SIRT1: variants seen among roughly 807,000 people sequenced by gnomAD.
The protein encoded by SIRT1 is NAD-dependent protein deacetylase sirtuin-1.
SIRT1 carries 24 observed loss-of-function variants against 67.9 expected under a neutral mutation model. That is an observed-to-expected ratio of 0.35 (90% CI 0.26 to 0.50). The LOEUF (loss-of-function observed/expected upper bound fraction) is 0.50, where lower values mean the gene tolerates loss of function less well. SIRT1 is among the 20% of genes least tolerant of loss of function. The probability of loss-of-function intolerance (pLI) is 0.98; values close to 1 mark genes in which losing one functional copy is unlikely to be tolerated. For missense variants in SIRT1, 873 were observed against 937.2 expected (o/e 0.93, Z 0.89); for synonymous variants, 378 against 350.7 (o/e 1.08, Z -0.87).
chr10:67,909,174 T>A, intron 6 of SIRT1, 82 bp from the exon 7 acceptor site: 1 of 896,550 alleles, frequency 1.1e-6, no homozygotes, highest in Non-Finnish European at 1.7e-6. Context: ...AATGTATTCT[T>A]AGAGGTATGG....
intron 4 of SIRT1, among the ~76,000 whole-genome samples, chr10:67,902,378 A>G (rs937971248): frequency 2.0e-5 from 3 of 152,188 alleles, no homozygotes; most frequent in Admixed American, 6.5e-5. Context: ...CCCTGCTAAT[A>G]ATTAATTTTA....
At chr10:67,906,361 T>G in intron 4 of SIRT1, 2 of 1,466,476 alleles carry the variant, frequency 1.4e-6, no homozygotes, top group Non-Finnish European at 1.8e-6. Context: ...AAAAAAAATT[T>G]TAAATATTCT....
intron 7 of SIRT1, among the ~76,000 whole-genome samples, chr10:67,910,682 C>G (rs997852982): frequency 2.0e-5 from 3 of 152,104 alleles, no homozygotes; most frequent in African/African-American, 7.2e-5. Flanking sequence ...GTAGTAACAG[C>G]CATGCCATAA....
At chr10:67,898,317 T>C (rs1842691683) in intron 4 of SIRT1, among the ~76,000 whole-genome samples, 1 of 151,294 alleles carries the variant, frequency 6.6e-6, no homozygotes, top group African/African-American at 2.4e-5. Flanking sequence ...GTTCGAAGAG[T>C]GTAGTTTCTG....
At chr10:67,889,168 A>G (rs200656232) in intron 3 of SIRT1, 45 bp downstream of exon 3, 1 of 1,519,904 alleles carries the variant, frequency 6.6e-7, no homozygotes, top group African/African-American at 1.4e-5. Context: ...GTATTTTCTT[A>G]TGCCTTTTCC....
Position 67,916,819 on chromosome 10 carries a change from T to TA in SIRT1, c.*228dup, listed in dbSNP as rs1224169703. ...TTTTTTTTTAAAAAAAAAAAGGTAC[T>TA]AAGTATCTTCAATCAGCTGTTGGTC... On this transcript the variant is annotated 3_prime_UTR_variant, in exon 9 of 9. Coordinates refer to ENST00000212015, the MANE Select transcript of SIRT1 (RefSeq NM_012238.5). 5 of 289,996 alleles carry TA rather than the reference T, an allele frequency of 1.7e-5. No homozygotes were observed. The East Asian group carries it at 2.4e-4, about 14-fold the overall frequency. 18.0% of individuals were successfully genotyped at this position (289,996 alleles called of 1,614,324 possible).
intron 4 of SIRT1, among the ~76,000 whole-genome samples, chr10:67,894,938 C>T (rs1320477251): frequency 1.3e-5 from 2 of 152,080 alleles, no homozygotes. Flanking sequence ...CCTCGTGATC[C>T]GCCCGTTTCA....
chr10:67,900,284 T>G (rs146330931), intron 4 of SIRT1, among the ~76,000 whole-genome samples: 126 of 152,154 alleles, frequency 8.3e-4, no homozygotes, highest in African/African-American at 2.8e-3. Context: ...TAGCTGAGAT[T>G]ACAGGTGTGT....
intron 4 of SIRT1, among the ~76,000 whole-genome samples, chr10:67,905,059 C>T (rs1385593572): frequency 1.3e-5 from 2 of 152,094 alleles, no homozygotes; most frequent in African/African-American, 4.8e-5. Flanking sequence ...TTTCCCTGAC[C>T]TTGCTTTGGA....
In SIRT1 at chr10:67,884,692, A is replaced by G; in HGVS notation, c.-30A>G. The stretch of plus-strand genomic sequence containing the variant: ...GCGTCGAGCGGGAGCAGAGGAGGCG[A>G]GGGAGGAGGGCCAGAGAGGCAGTTG... On this transcript the variant is annotated 5_prime_UTR_variant, in exon 1 of 9. Coordinates refer to ENST00000212015, the MANE Select transcript of SIRT1 (RefSeq NM_012238.5). The G allele has an allele frequency of 8.2e-7, 1 of 1,226,476 alleles. No individual in the cohort carries two copies. The allele number at this position is 1,226,476 out of a possible 1,614,324, so 76.0% of individuals were successfully genotyped here. A position where few individuals can be genotyped will look rare whatever the true frequency, so the allele number is the denominator to read the frequency against.
intron 4 of SIRT1, among the ~76,000 whole-genome samples, chr10:67,905,205 T>A (rs1446434504): frequency 2.0e-5 from 3 of 152,252 alleles, no homozygotes; most frequent in African/African-American, 7.2e-5. Context: ...GAGGGAGCTT[T>A]AATGAGACAT....
At chr10:67,885,478 CTT>C (rs1246078169) in intron 1 of SIRT1, 7 of 963,490 alleles carry the variant, frequency 7.3e-6, no homozygotes, top group Non-Finnish European at 9.2e-6. Flanking sequence ...TTTGTTAGAG[CTT>C]TTTTTTTCTT....
Position 67,908,031 on chromosome 10 carries a change from G to A in SIRT1, c.1091-15G>A, listed in dbSNP as rs1410853953. 6.2e-7 allele frequency: 1 copy of A among 1,603,728 alleles called. No homozygotes were observed. The highest frequency in any genetic ancestry group is 1.1e-5 in the South Asian group (1 of 90,582). On this transcript the variant is annotated splice_polypyrimidine_tract_variant and intron_variant, in intron 5 of 8. Coordinates refer to ENST00000212015, the MANE Select transcript of SIRT1 (RefSeq NM_012238.5). ...TACTTCTTTAATAAAGCATATATATGTTGTTTGTTTTTAGGTTCCTTTGCA... is the reference window on the plus strand; with the variant it reads ...TACTTCTTTAATAAAGCATATATATATTGTTTGTTTTTAGGTTCCTTTGCA...
chr10:67,889,525 T>A (rs1171372853), intron 3 of SIRT1, among the ~76,000 whole-genome samples: 1 of 152,210 alleles, frequency 6.6e-6, no homozygotes, highest in Non-Finnish European at 1.5e-5. Flanking sequence ...AAGCTTAGTG[T>A]TGGGAAGAGT....
chr10:67,891,313 A>C (rs1842569911), intron 3 of SIRT1, 89 bp from the exon 4 acceptor site: 1 of 1,190,822 alleles, frequency 8.4e-7, no homozygotes, highest in South Asian at 1.6e-5. Context: ...TTCTTTCTCA[A>C]CTCTTACCTA....
intron 4 of SIRT1, 144 bp from the exon 5 acceptor site, chr10:67,906,646 G>A (rs979549674): frequency 2.3e-5 from 18 of 788,774 alleles, no homozygotes; most frequent in Admixed American, 6.4e-5. Flanking sequence ...GGTGTGTGTC[G>A]CATCCATCTA....
intron 6 of SIRT1, among the ~76,000 whole-genome samples, chr10:67,908,346 T>A (rs191706217): frequency 8.7e-4 from 133 of 152,334 alleles, no homozygotes; most frequent in African/African-American, 3.1e-3. Context: ...AATTGGCTTC[T>A]TAGTATCTAA....
chr10:67,885,004 A>C lies in SIRT1; in HGVS notation c.283A>C (p.Thr95Pro). The change falls in exon 1 of 9, where the codon ACT becomes CCT. Residue 95 changes from threonine to proline, a missense_variant. Physicochemically the swap from Thr to Pro is conservative, Grantham distance 38. Coordinates refer to ENST00000212015, the MANE Select transcript of SIRT1 (RefSeq NM_012238.5). Reference sequence around the variant, plus strand: ...AGGCGGGGAGCAAGAGGCCCAGGCGACTGCGGCGGCTGGGGAAGGAGACAA... The same window carrying C: ...AGGCGGGGAGCAAGAGGCCCAGGCGCCTGCGGCGGCTGGGGAAGGAGACAA... ...AAGGEQEAQA[T>P]AAAGEGDNGP... 1 of 1,310,224 alleles carries C rather than the reference A, an allele frequency of 7.6e-7. No individual in the cohort carries two copies. Among genetic ancestry groups the C allele is most frequent in the Non-Finnish European group, 9.8e-7 (1 of 1,022,252 alleles). 81.2% of individuals were successfully genotyped at this position (1,310,224 alleles called of 1,614,324 possible). A position where few individuals can be genotyped will look rare whatever the true frequency, so the allele number is the denominator to read the frequency against.
intron 4 of SIRT1, among the ~76,000 whole-genome samples, chr10:67,898,235 G>C (rs1842688745): frequency 6.8e-6 from 1 of 147,950 alleles, no homozygotes; most frequent in South Asian, 2.1e-4. Flanking sequence ...CTCCAGCCTG[G>C]GCGAGAGAGT....
Sources: allele counts gnomAD v4.1 joint callset (sites outside exome capture counted in the v4.1 genomes callset), GRCh38; gene constraint gnomAD v4.1.1; transcripts MANE v1.5; gene names NCBI Gene and HGNC (gene_info 2026-07-23, HGNC 2026-07-21).